Variants in NLK observed in about 807,000 individuals in gnomAD.
NLK encodes serine/threonine-protein kinase NLK.
In NLK, 11 loss-of-function variants were observed where a neutral mutation model predicts 59.0. The ratio of observed to expected loss-of-function variants is 0.19; its 90% CI spans 0.12 to 0.31. The LOEUF (loss-of-function observed/expected upper bound fraction) is 0.31, where lower values mean the gene tolerates loss of function less well. NLK is among the 10% of genes least tolerant of loss of function. NLK has a pLI of 1.00. For synonymous variants in NLK, 235 were observed against 235.9 expected (o/e 1.00, Z 0.03); for missense variants, 410 against 661.1 (o/e 0.62, Z 4.16).
chr17:28,081,348 C>A (rs1170569693), intron 1 of NLK, among the ~76,000 whole-genome samples: 1 of 151,422 alleles, frequency 6.6e-6, no homozygotes, highest in East Asian at 1.9e-4. Context: ...ACATGCCCAG[C>A]TAATTTAAAA....
intron 1 of NLK, among the ~76,000 whole-genome samples, chr17:28,111,881 T>G (rs1567716963): frequency 3.1e-5 from 4 of 126,986 alleles, no homozygotes; most frequent in African/African-American, 1.2e-4. Flanking sequence ...TGTGTGTGTG[T>G]GTGTGTGTGT....
chr17:28,137,108 T>G (rs1486602870), intron 3 of NLK, among the ~76,000 whole-genome samples: 1 of 152,200 alleles, frequency 6.6e-6, no homozygotes, highest in Non-Finnish European at 1.5e-5. Flanking sequence ...CAGCTCCCTC[T>G]GTAGTGTCTC....
downstream of NLK, among the ~76,000 whole-genome samples, chr17:28,198,127 T>C (rs1226106037): frequency 1.3e-5 from 2 of 152,156 alleles, no homozygotes; most frequent in Non-Finnish European, 2.9e-5. Context: ...AGGAGGTACA[T>C]GGCACATATG....
intron 1 of NLK, among the ~76,000 whole-genome samples, chr17:28,057,957 C>T (rs1182770367): frequency 6.6e-6 from 1 of 152,156 alleles, no homozygotes; most frequent in Non-Finnish European, 1.5e-5. Flanking sequence ...GTGAAAAGGG[C>T]AACTGCTGTG....
intron 3 of NLK, among the ~76,000 whole-genome samples, chr17:28,155,481 G>A (rs774516591): frequency 2.0e-5 from 3 of 152,250 alleles, no homozygotes; most frequent in African/African-American, 4.8e-5. Context: ...ATATGCACAC[G>A]TATGTTTATT....
intron 7 of NLK, among the ~76,000 whole-genome samples, chr17:28,179,373 G>A (rs918357385): frequency 1.3e-5 from 2 of 151,976 alleles, no homozygotes; most frequent in Non-Finnish European, 2.9e-5. Context: ...GGGACTACAA[G>A]CACATACCAC....
intron 1 of NLK, among the ~76,000 whole-genome samples, chr17:28,068,090 G>C (rs572155658): frequency 1.3e-5 from 2 of 149,734 alleles, no homozygotes; most frequent in Non-Finnish European, 3.0e-5. Context: ...GCAGTAAGCC[G>C]AGAGGGAGCC....
intron 2 of NLK, among the ~76,000 whole-genome samples, 197 bp from the exon 3 acceptor site, chr17:28,132,423 A>G (rs905520620): frequency 9.9e-5 from 15 of 152,152 alleles, no homozygotes; most frequent in African/African-American, 3.4e-4. Flanking sequence ...CTCATTTTGT[A>G]AGTCTTTTGG....
At position 28,139,799 on chromosome 17, in the gene NLK, G is replaced by A. The variant is rs116483142; in HGVS notation, c.644+7124G>A. Among the ~76,000 whole-genome samples, 893 of 152,242 alleles carry A rather than the reference G, an allele frequency of 5.9e-3. 10 individuals are homozygous for A. Among genetic ancestry groups the A allele is most frequent in the African/African-American group, 0.02 (851 of 41,526 alleles). The stretch of plus-strand genomic sequence containing the variant: ...CCATATTGTATAGTCCAATGGGCCA[G>A]GAGTGCTCTCAACCCACCATGCTCT... On this transcript the variant is annotated intron_variant, in intron 3 of 10. Transcript: ENST00000407008.
At chr17:28,072,707 G>A (rs888646551) in intron 1 of NLK, among the ~76,000 whole-genome samples, 17 of 151,628 alleles carry the variant, frequency 1.1e-4, no homozygotes, top group African/African-American at 3.9e-4. Flanking sequence ...ACCTTATTTT[G>A]TTCTTTCAGT....
intron 1 of NLK, among the ~76,000 whole-genome samples, chr17:28,113,898 G>A (rs926490156): frequency 2.6e-5 from 4 of 151,816 alleles, no homozygotes; most frequent in East Asian, 1.9e-4. Context: ...TTCCTTTCCC[G>A]ACAGTTTCTA....
intron 9 of NLK, 97 bp downstream of exon 9, chr17:28,191,316 T>C: frequency 1.2e-6 from 1 of 862,556 alleles, no homozygotes; most frequent in African/African-American, 1.7e-5. Flanking sequence ...TAACCAAAGC[T>C]CCCCTCTATG....
At chr17:28,086,862 T>TA (rs200449008) in intron 1 of NLK, among the ~76,000 whole-genome samples, 1,979 of 149,434 alleles carry the variant, frequency 0.013, 92 homozygotes, top group Admixed American at 0.094. Context: ...CCTCATCTCT[T>TA]AAAAAAAAAT....
Position 28,098,660 on chromosome 17 carries a change from T to C in NLK, c.459-23943T>C, listed in dbSNP as rs79298104. Among the ~76,000 whole-genome samples the C allele has an allele frequency of 6.2e-3, 935 of 151,450 alleles. 16 individuals are homozygous for C. The highest frequency in any genetic ancestry group is 0.021 in the African/African-American group (872 of 41,300). On this transcript the variant is annotated intron_variant, in intron 1 of 10. Transcript: ENST00000407008. ...AGTTATTTTTCACAACTATGAAAAG[T>C]TTTTCATTACCATTCTTTTTTTTTT...
At chr17:28,199,230 T>C (rs969357748), downstream of NLK, among the ~76,000 whole-genome samples, 1 of 152,142 alleles carries the variant, frequency 6.6e-6, no homozygotes, top group Non-Finnish European at 1.5e-5. Flanking sequence ...TGTGAAGAAA[T>C]TGGAATCCTT....
At position 28,107,677 on chromosome 17, in the gene NLK, G is replaced by A. The variant is rs35871018; in HGVS notation, c.459-14926G>A. Among the ~76,000 whole-genome samples the A allele has an allele frequency of 6.5e-3, 997 of 152,240 alleles. 15 individuals carry two copies. Among genetic ancestry groups the A allele is most frequent in the African/African-American group, 0.022 (928 of 41,538 alleles). On this transcript the variant is annotated intron_variant, in intron 1 of 10. Coordinates refer to ENST00000407008, the MANE Select transcript of NLK (RefSeq NM_016231.5). ...ATTCACCATGACCAAGTGAGATTTAGTATAGAAATTCAGGATTGGTTCAGT... is the reference window on the plus strand; with the variant it reads ...ATTCACCATGACCAAGTGAGATTTAATATAGAAATTCAGGATTGGTTCAGT...
chr17:28,103,001 C>G (rs188783818), intron 1 of NLK, among the ~76,000 whole-genome samples: 1 of 152,262 alleles, frequency 6.6e-6, no homozygotes, highest in African/African-American at 2.4e-5. Context: ...TCATGTGGAG[C>G]AACTCTGCAA....
chr17:28,128,752 A>G (rs961864406), intron 2 of NLK, among the ~76,000 whole-genome samples: 1 of 152,238 alleles, frequency 6.6e-6, no homozygotes. Context: ...GGCAATTTGT[A>G]CTAAAGCTAA....
intron 7 of NLK, among the ~76,000 whole-genome samples, chr17:28,181,021 A>G (rs915839136): frequency 3.3e-5 from 5 of 152,188 alleles, no homozygotes; most frequent in African/African-American, 1.2e-4. Flanking sequence ...CGGGAGGCCA[A>G]GATGGGAGGA....
Sources: gnomAD v4.1 joint callset for allele counts (sites outside exome capture counted in the v4.1 genomes callset) on GRCh38, gnomAD v4.1.1 for gene constraint, MANE v1.5 for transcripts, NCBI Gene and HGNC (gene_info 2026-07-23, HGNC 2026-07-21) for gene names.